The following BTRC variants were observed in gnomAD, a reference collection of about 807,000 sequenced individuals.
The protein encoded by BTRC is F-box/WD repeat-containing protein 1A.
BTRC carries 42 observed loss-of-function variants against 85.5 expected under a neutral mutation model. That is an observed-to-expected ratio of 0.49 (90% CI 0.38 to 0.64). The LOEUF is 0.64. Among genes scored for constraint, BTRC ranks in the 30% least tolerant of loss-of-function variants. The probability of loss-of-function intolerance (pLI) is 0.00; values close to 1 mark genes in which losing one functional copy is unlikely to be tolerated. For synonymous variants in BTRC, 255 were observed against 263.3 expected, an observed-to-expected ratio of 0.97 and a Z score of 0.30; for missense variants, 594 against 743.5, an observed-to-expected ratio of 0.80 and a Z score of 2.34.
chr10:101,409,146 G>A (rs1943708759), intron 1 of BTRC, among the ~76,000 whole-genome samples: 1 of 152,196 alleles, frequency 6.6e-6, no homozygotes, highest in South Asian at 2.1e-4. Flanking sequence ...ATTCTGTGTA[G>A]TTTAGCAACT....
At position 101,521,648 on chromosome 10, in the gene BTRC, G is replaced by T; in HGVS notation, c.334G>T (p.Ala112Ser). 1 of 1,613,222 alleles carries T rather than the reference G, an allele frequency of 6.2e-7. No homozygotes were observed. The highest frequency in any genetic ancestry group is 8.5e-7 in the Non-Finnish European group (1 of 1,179,638). ...TAACCCCCTTCTACAGACAAAACTT[G>T]CCAATGGCACTTCCAGTATGATTGT... Reference protein sequence around the residue: ...TENCVAKTKLANGTSSMIVPK... With the variant: ...TENCVAKTKLSNGTSSMIVPK... The change falls in exon 5 of 15, where the codon GCC becomes TCC. Residue 112 changes from alanine to serine, a missense_variant. Physicochemically the swap from Ala to Ser is moderately conservative, Grantham distance 99 (BLOSUM62 1). Coordinates refer to ENST00000370187, the MANE Select transcript of BTRC (RefSeq NM_033637.4).
At chr10:101,413,742 G>T (rs930811644) in intron 1 of BTRC, among the ~76,000 whole-genome samples, 1 of 152,164 alleles carries the variant, frequency 6.6e-6, no homozygotes, top group Non-Finnish European at 1.5e-5. Flanking sequence ...AGGATAAAAT[G>T]TTAGATTGTG....
At chr10:101,534,602 C>G in intron 9 of BTRC, 59 bp from the exon 10 acceptor site, 1 of 1,602,032 alleles carries the variant, frequency 6.2e-7, no homozygotes, top group Non-Finnish European at 8.5e-7. Flanking sequence ...GCATGATGGT[C>G]AAATATAGGT....
At position 101,375,273 on chromosome 10, in the gene BTRC, T is replaced by G. The variant is rs370161763; in HGVS notation, c.48+21045T>G. ...GTGTGTGGCACCTTCTCTGCCCCCC[T>G]CTCTTCCCCCCTTCTCTTCTTCCTG... On this transcript the variant is annotated intron_variant, in intron 1 of 14. Coordinates refer to ENST00000370187, the MANE Select transcript of BTRC (RefSeq NM_033637.4). 9.6e-4 allele frequency among the ~76,000 whole-genome samples: 146 copies of G among 152,146 alleles called. 1 individual carries two copies. The highest frequency in any genetic ancestry group is 3.4e-3 in the African/African-American group (141 of 41,496).
intron 4 of BTRC, among the ~76,000 whole-genome samples, chr10:101,480,997 C>T (rs1022857199): frequency 3.9e-5 from 6 of 152,224 alleles, no homozygotes; most frequent in Admixed American, 6.5e-5. Flanking sequence ...TAGCTCAATG[C>T]AGCCTTTACC....
At chr10:101,513,568 A>G (rs766335302) in intron 4 of BTRC, among the ~76,000 whole-genome samples, 1 of 152,076 alleles carries the variant, frequency 6.6e-6, no homozygotes, top group Non-Finnish European at 1.5e-5. Flanking sequence ...TTGATTCAGC[A>G]TGTTTTTGAG....
chr10:101,388,142 C>T (rs191601758), intron 1 of BTRC, among the ~76,000 whole-genome samples: 2 of 152,132 alleles, frequency 1.3e-5, no homozygotes, highest in Admixed American at 6.5e-5. Context: ...AATTTGAGAA[C>T]TTTTAGCTAG....
intron 1 of BTRC, among the ~76,000 whole-genome samples, chr10:101,374,526 G>A (rs12411848): frequency 2.0e-5 from 3 of 146,476 alleles, no homozygotes; most frequent in Admixed American, 6.9e-5. Flanking sequence ...GTAAACTATC[G>A]CAAGAACAAA....
At chr10:101,480,117 GTACTATTAAGTATGGGCTT>G (rs1945796087) in intron 4 of BTRC, among the ~76,000 whole-genome samples, 1 of 152,178 alleles carries the variant, frequency 6.6e-6, no homozygotes, top group South Asian at 2.1e-4. Flanking sequence ...TTAGGAATAA[GTACTATTAAGTATGGGCTT>G]TGTTTCTTTT....
chr10:101,531,184 A>G (rs2062275081), intron 6 of BTRC, 53 bp from the exon 7 acceptor site: 1 of 1,384,488 alleles, frequency 7.2e-7, no homozygotes, highest in South Asian at 1.2e-5. Context: ...ATATATATGT[A>G]TTTAAATATA....
intron 1 of BTRC, among the ~76,000 whole-genome samples, chr10:101,403,745 C>G (rs1353498831): frequency 6.6e-6 from 1 of 151,814 alleles, no homozygotes; most frequent in Non-Finnish European, 1.5e-5. Flanking sequence ...AATGTGCCAC[C>G]AGGCTTGGCT....
At chr10:101,479,484 A>G in intron 4 of BTRC, 27 bp downstream of exon 4, 1 of 1,547,886 alleles carries the variant, frequency 6.5e-7, no homozygotes, top group Non-Finnish European at 8.9e-7. Context: ...ATCAATGTAT[A>G]TTACACCACA....
At chr10:101,406,919 G>A (rs934378801) in intron 1 of BTRC, among the ~76,000 whole-genome samples, 1 of 152,166 alleles carries the variant, frequency 6.6e-6, no homozygotes, top group African/African-American at 2.4e-5. Context: ...AGATAATTGT[G>A]TCGGTTTTTA....
intron 1 of BTRC, among the ~76,000 whole-genome samples, chr10:101,359,470 C>G (rs1942138590): frequency 6.6e-6 from 1 of 152,082 alleles, no homozygotes; most frequent in Non-Finnish European, 1.5e-5. Context: ...CTCTGTTGCC[C>G]AGACTGGAGT....
intron 4 of BTRC, among the ~76,000 whole-genome samples, chr10:101,509,243 A>ATTTTTTTTT (rs71016330): frequency 4.3e-5 from 3 of 69,912 alleles, no homozygotes; most frequent in African/African-American, 2.1e-4. Context: ...GGCAATGTGG[A>ATTTTTTTTT]TTTTTTTTTT....
chr10:101,407,208 C>T lies in BTRC; in HGVS notation c.49-23137C>T, dbSNP rs376832375. 1.7e-4 allele frequency among the ~76,000 whole-genome samples: 26 copies of T among 152,046 alleles called. No individual in the cohort carries two copies. The East Asian group carries it at 2.3e-3, about 14-fold the overall frequency. On this transcript the variant is annotated intron_variant, in intron 1 of 14. Coordinates refer to ENST00000370187, the MANE Select transcript of BTRC (RefSeq NM_033637.4). ...ACTTGTCTGTACCAAAAAAATTAGG[C>T]GTAGTGGTATACACCTGTAGTCCCA...
intron 4 of BTRC, among the ~76,000 whole-genome samples, chr10:101,493,229 A>C (rs1430989000): frequency 6.6e-6 from 1 of 152,244 alleles, no homozygotes; most frequent in Non-Finnish European, 1.5e-5. Flanking sequence ...TTCAAACAAA[A>C]AAAAGTGAAA....
At chr10:101,430,163 A>G (rs1182792646) in intron 1 of BTRC, among the ~76,000 whole-genome samples, 182 bp from the exon 2 acceptor site, 1 of 152,208 alleles carries the variant, frequency 6.6e-6, no homozygotes, top group Non-Finnish European at 1.5e-5. Flanking sequence ...TTTGGCCACT[A>G]CTGCCCCTTT....
intron 1 of BTRC, chr10:101,364,957 CAGAT>C (rs1224327099): frequency 6.6e-6 from 1 of 151,832 alleles, no homozygotes; most frequent in Non-Finnish European, 1.5e-5. Context: ...ATATTGTCCT[CAGAT>C]AGAGGACATA....
Sources: gnomAD v4.1 joint callset for allele counts (sites outside exome capture counted in the v4.1 genomes callset) on GRCh38, gnomAD v4.1.1 for gene constraint, MANE v1.5 for transcripts, NCBI Gene and HGNC (gene_info 2026-07-23, HGNC 2026-07-21) for gene names.